Variants in PPP2R2B observed in about 807,000 individuals in gnomAD.
PPP2R2B encodes serine/threonine-protein phosphatase 2A 55 kDa regulatory subunit B beta isoform.
A neutral mutation model predicts 46.0 loss-of-function variants in PPP2R2B; 5 were observed. The observed-to-expected ratio is 0.11, with a 90% confidence interval of 0.06 to 0.23. The LOEUF (loss-of-function observed/expected upper bound fraction) is 0.23, where lower values mean the gene tolerates loss of function less well. Ranked by LOEUF, PPP2R2B falls within the 10% of genes least tolerant of loss-of-function variation. The pLI is 1.00. For synonymous variants in PPP2R2B, 215 were observed against 206.7 expected (o/e 1.04, Z -0.34); for missense variants, 367 against 575.0 (o/e 0.64, Z 3.70).
intron 1 of PPP2R2B, chr5:147,054,580 G>A (rs1205192808): frequency 6.6e-5 from 30 of 455,990 alleles, no homozygotes; most frequent in Non-Finnish European, 9.7e-5. Flanking sequence ...TTCCCTGAAG[G>A]TACGGATAAA....
At chr5:146,731,707 T>G (rs1752241550) in intron 2 of PPP2R2B, among the ~76,000 whole-genome samples, 1 of 152,206 alleles carries the variant, frequency 6.6e-6, no homozygotes, top group African/African-American at 2.4e-5. Context: ...GAAGGAGGTG[T>G]GCAGATGAAA....
At position 146,811,040 on chromosome 5, in the gene PPP2R2B, G is replaced by A. The variant is rs191689868; in HGVS notation, c.70+66962C>T. 4.1e-4 allele frequency among the ~76,000 whole-genome samples: 63 copies of A among 152,198 alleles called. 1 individual carries two copies. In the East Asian group the frequency reaches 9.7e-3, roughly 23 times the overall value. On this transcript the variant is annotated intron_variant, in intron 2 of 9. Coordinates refer to ENST00000394411, the MANE Select transcript of PPP2R2B (RefSeq NM_181675.4). Reference sequence around the variant, plus strand: ...TTTTTAGATGGAGTCTTGCCCTGTCGCCACCCAGGCTGGAGTGCAATGGTG... The same window carrying A: ...TTTTTAGATGGAGTCTTGCCCTGTCACCACCCAGGCTGGAGTGCAATGGTG...
At chr5:146,746,034 C>A (rs2151228156) in intron 2 of PPP2R2B, among the ~76,000 whole-genome samples, 1 of 152,146 alleles carries the variant, frequency 6.6e-6, no homozygotes, top group South Asian at 2.1e-4. Flanking sequence ...TGACTTTTGG[C>A]ATTATGATGC....
chr5:146,726,803 T>C (rs1751898005), intron 2 of PPP2R2B, among the ~76,000 whole-genome samples: 1 of 152,226 alleles, frequency 6.6e-6, no homozygotes, highest in Non-Finnish European at 1.5e-5. Flanking sequence ...CAAAGTCGCT[T>C]ATGTTCATAA....
Position 146,592,981 on chromosome 5 carries a change from C to T in PPP2R2B, c.1042G>A (p.Gly348Arg). 6.2e-7 allele frequency: 1 copy of T among 1,611,898 alleles called. No homozygotes were observed. The highest frequency in any genetic ancestry group is 2.2e-5 in the East Asian group (1 of 44,866). Residue 348 changes from glycine (G) to arginine (R), a missense_variant, in exon 9 of 10, where the codon GGG becomes AGG. Around this residue, in one of 2 missense-constraint regions of PPP2R2B, gnomAD observed 361 missense variants for 545.5 expected, o/e 0.66. Transcript: ENST00000394411. The stretch of plus-strand genomic sequence containing the variant: ...CAGAGCCTTTCTTACCTGTCTGACC[C>T]ATTCCACACACACTCAAATTTATCA... Reference protein sequence around the residue: ...IFDKFECVWNGSDSVIMTGSY... With the variant: ...IFDKFECVWNRSDSVIMTGSY...
intron 1 of PPP2R2B, among the ~76,000 whole-genome samples, chr5:146,994,024 A>G (rs1199943972): frequency 6.6e-6 from 1 of 152,186 alleles, no homozygotes; most frequent in Non-Finnish European, 1.5e-5. Context: ...CTTCAGGAAT[A>G]GCTAAGCAGG....
intron 2 of PPP2R2B, among the ~76,000 whole-genome samples, chr5:146,844,583 G>C (rs1016230372): frequency 2.0e-5 from 3 of 152,126 alleles, no homozygotes; most frequent in African/African-American, 4.8e-5. Context: ...CAGAAGACCT[G>C]CATGCCCGGA....
At chr5:146,939,571 G>A (rs1210166162) in intron 1 of PPP2R2B, among the ~76,000 whole-genome samples, 2 of 152,066 alleles carry the variant, frequency 1.3e-5, no homozygotes, top group Non-Finnish European at 2.9e-5. Flanking sequence ...ACTTTTTGGT[G>A]GCCTAGGCTC....
At chr5:147,049,444 T>C (rs1219222083) in intron 1 of PPP2R2B, among the ~76,000 whole-genome samples, 1 of 152,054 alleles carries the variant, frequency 6.6e-6, no homozygotes, top group Non-Finnish European at 1.5e-5. Context: ...TTGGAAAGGT[T>C]GGCTAGGAAG....
chr5:146,659,637 C>T (rs1476360077), intron 5 of PPP2R2B, among the ~76,000 whole-genome samples: 2 of 152,154 alleles, frequency 1.3e-5, no homozygotes, highest in African/African-American at 2.4e-5. Context: ...ATCATTTATG[C>T]ACATCATGTT....
At chr5:146,887,780 G>A (rs1762376502) in intron 1 of PPP2R2B, among the ~76,000 whole-genome samples, 1 of 152,012 alleles carries the variant, frequency 6.6e-6, no homozygotes. Context: ...TTCATATCTG[G>A]GCATCTGGAC....
chr5:146,788,054 G>A (rs761792919), intron 2 of PPP2R2B, among the ~76,000 whole-genome samples: 1 of 152,118 alleles, frequency 6.6e-6, no homozygotes, highest in Non-Finnish European at 1.5e-5. Flanking sequence ...CTTGGTGGAA[G>A]CCTGATTTTC....
At chr5:146,621,134 A>G (rs977692936) in intron 7 of PPP2R2B, among the ~76,000 whole-genome samples, 2 of 152,186 alleles carry the variant, frequency 1.3e-5, no homozygotes, top group Non-Finnish European at 2.9e-5. Context: ...TGAGCTGGTC[A>G]CTGCTTCACT....
At chr5:146,875,462 G>A (rs1327326213) in intron 2 of PPP2R2B, among the ~76,000 whole-genome samples, 2 of 152,170 alleles carry the variant, frequency 1.3e-5, no homozygotes, top group Non-Finnish European at 1.5e-5. Context: ...ATTGCTCTTA[G>A]CTGGATGAAC....
intron 2 of PPP2R2B, among the ~76,000 whole-genome samples, chr5:146,824,574 G>A (rs1037668898): frequency 1.3e-5 from 2 of 152,058 alleles, no homozygotes; most frequent in African/African-American, 2.4e-5. Context: ...TAAGAGGAAG[G>A]GAGTATGCAC....
intron 7 of PPP2R2B, among the ~76,000 whole-genome samples, chr5:146,602,030 T>C (rs1338092056): frequency 6.6e-6 from 1 of 152,228 alleles, no homozygotes; most frequent in Non-Finnish European, 1.5e-5. Context: ...TTCCCACTTC[T>C]ATTCATTGCC....
At chr5:146,705,669 C>T (rs1779791979) in intron 2 of PPP2R2B, among the ~76,000 whole-genome samples, 1 of 152,138 alleles carries the variant, frequency 6.6e-6, no homozygotes, top group Non-Finnish European at 1.5e-5. Flanking sequence ...ATAAGGTTTA[C>T]TTTACCAAAG....
upstream of PPP2R2B, chr5:147,081,496 C>T (rs1757966151): frequency 5.1e-6 from 3 of 589,858 alleles, no homozygotes; most frequent in South Asian, 2.1e-5. Flanking sequence ...AATACTAATG[C>T]TTTTGATTGT....
chr5:146,693,110 CCCTTCCCTCTCTCCTT>C (rs1778970479), intron 4 of PPP2R2B, among the ~76,000 whole-genome samples: 1 of 151,878 alleles, frequency 6.6e-6, no homozygotes, highest in Non-Finnish European at 1.5e-5. Flanking sequence ...AACCCTTCCT[CCCTTCCCTCTCTCCTT>C]CCTTCCCTCC....
Sources: allele counts gnomAD v4.1 joint callset (sites outside exome capture counted in the v4.1 genomes callset), GRCh38; gene constraint gnomAD v4.1.1; regional missense constraint gnomAD v4.1.1; transcripts MANE v1.5; gene names NCBI Gene and HGNC (gene_info 2026-07-23, HGNC 2026-07-21).